Variants in TMED3 observed in about 807,000 individuals in gnomAD.
The protein encoded by TMED3 is transmembrane p24 trafficking protein 3.
TMED3 carries 9 observed loss-of-function variants against 15.0 expected under a neutral mutation model. The observed-to-expected ratio is 0.60, with a 90% CI of 0.36 to 1.04. TMED3 has a LOEUF of 1.04. TMED3 is among the 50% of genes least tolerant of loss of function. The probability of loss-of-function intolerance (pLI) is 0.01; values close to 1 mark genes in which losing one functional copy is unlikely to be tolerated. For missense variants in TMED3, 267 were observed against 278.9 expected, an observed-to-expected ratio of 0.96 and a Z score of 0.30; for synonymous variants, 117 against 121.4, an observed-to-expected ratio of 0.96 and a Z score of 0.24.
At chr15:79,335,193 A>T (rs1359568415) in intron 2 of TMED3, among the ~76,000 whole-genome samples, 2 of 152,220 alleles carry the variant, frequency 1.3e-5, no homozygotes, top group Non-Finnish European at 2.9e-5. Context: ...GTCAAGGAAG[A>T]CCTAAATCCT....
intron 2 of TMED3, among the ~76,000 whole-genome samples, chr15:79,353,055 AT>A (rs2058899356): frequency 1.9e-5 from 2 of 107,362 alleles, no homozygotes; most frequent in Non-Finnish European, 3.4e-5. Context: ...TATATAAAAA[AT>A]GTATATATAA....
At chr15:79,357,636 G>A (rs1408391932) in intron 2 of TMED3, among the ~76,000 whole-genome samples, 3 of 151,538 alleles carry the variant, frequency 2.0e-5, no homozygotes, top group African/African-American at 7.3e-5. Context: ...GAGGACTGCC[G>A]TGCTGGGGGC....
At chr15:79,335,442 A>G (rs1246053047) in intron 2 of TMED3, among the ~76,000 whole-genome samples, 2 of 152,192 alleles carry the variant, frequency 1.3e-5, no homozygotes, top group Non-Finnish European at 2.9e-5. Context: ...TCCTCAGGGA[A>G]CTCTGGGAGA....
At chr15:79,349,492 C>G (rs558829766) in intron 2 of TMED3, among the ~76,000 whole-genome samples, 259 of 152,160 alleles carry the variant, frequency 1.7e-3, no homozygotes, top group African/African-American at 5.7e-3. Flanking sequence ...TTTTGAACCA[C>G]CTGTGTGTTA....
At chr15:79,376,298 T>G (rs778903800) in intron 2 of TMED3, among the ~76,000 whole-genome samples, 69 of 150,696 alleles carry the variant, frequency 4.6e-4, no homozygotes, top group Non-Finnish European at 1.2e-4. Context: ...GTTTGATAGC[T>G]TTTGGCATTC....
At chr15:79,364,602 C>A (rs1893193645) in intron 2 of TMED3, among the ~76,000 whole-genome samples, 1 of 151,774 alleles carries the variant, frequency 6.6e-6, no homozygotes, top group African/African-American at 2.4e-5. Flanking sequence ...ACCCTGAACC[C>A]CAGGTTCCAG....
chr15:79,311,558 A>G (rs1422130874), intron 1 of TMED3, 141 bp downstream of exon 1: 2 of 1,052,200 alleles, frequency 1.9e-6, no homozygotes, highest in East Asian at 2.8e-5. Context: ...CCCGGAGACC[A>G]GTTGACTTCC....
rs1300780439 is a variant in TMED3, at chr15:79,382,986, A to C, written c.418-28414A>C. 2.0e-6 allele frequency: 3 copies of C among 1,535,486 alleles called. No homozygotes were observed. In the African/African-American group the frequency reaches 4.1e-5, roughly 21 times the overall value. ...TTCCAAGGGTCCCAGTGCTTCACCA[A>C]CACCAACGCCACCACTAAGGGTTCC... On this transcript the variant is annotated intron_variant, in intron 2 of 2. Coordinates refer to the TMED3 transcript ENST00000424155.
At chr15:79,345,668 G>A (rs967119255) in intron 2 of TMED3, among the ~76,000 whole-genome samples, 9 of 152,184 alleles carry the variant, frequency 5.9e-5, no homozygotes, top group Non-Finnish European at 1.3e-4. Flanking sequence ...TATATGCCCA[G>A]TAGTGGGATT....
At chr15:79,353,174 T>TAA (rs2058900971) in intron 2 of TMED3, among the ~76,000 whole-genome samples, 1 of 48,478 alleles carries the variant, frequency 2.1e-5, no homozygotes, top group African/African-American at 9.8e-5. Flanking sequence ...TATATATACA[T>TAA]AATATATAAA....
chr15:79,412,406 C>G (rs1893998968), exon 3 of TMED3: 1 of 152,408 alleles, frequency 6.6e-6, no homozygotes, highest in South Asian at 2.1e-4. Flanking sequence ...CTCACCTTCA[C>G]CAGTGCCTTG....
intron 2 of TMED3, chr15:79,384,763 T>C (rs1387605859): frequency 1.3e-5 from 2 of 152,200 alleles, no homozygotes; most frequent in Non-Finnish European, 2.9e-5. Context: ...GGCTCATGCT[T>C]GTAATCCCAG....
chr15:79,331,870 G>A (rs1432624623), intron 2 of TMED3, among the ~76,000 whole-genome samples: 1 of 152,118 alleles, frequency 6.6e-6, no homozygotes, highest in Non-Finnish European at 1.5e-5. Context: ...ACCCCAGTTA[G>A]GATGGCTATT....
chr15:79,370,048 T>C (rs1317500976), intron 2 of TMED3, among the ~76,000 whole-genome samples: 1 of 152,184 alleles, frequency 6.6e-6, no homozygotes, highest in African/African-American at 2.4e-5. Flanking sequence ...TTAGACGAAC[T>C]TGCCCTGTAG....
intron 2 of TMED3, among the ~76,000 whole-genome samples, chr15:79,388,597 T>C (rs1893657929): frequency 6.6e-6 from 1 of 152,186 alleles, no homozygotes; most frequent in Non-Finnish European, 1.5e-5. Context: ...ATGACTTCTT[T>C]TCCTCTGGGT....
chr15:79,322,450 C>G lies in TMED3; in HGVS notation c.*236C>G. 1 of 1,351,908 alleles carries G rather than the reference C, an allele frequency of 7.4e-7. No individual in the cohort carries two copies. Among genetic ancestry groups the G allele is most frequent in the Non-Finnish European group, 9.5e-7 (1 of 1,053,040 alleles). 83.7% of individuals were successfully genotyped at this position (1,351,908 alleles called of 1,614,324 possible). On this transcript the variant is annotated 3_prime_UTR_variant, in exon 3 of 3. Transcript: ENST00000299705. ...GTGTGCAGCGCTGAAAAGACATTTA[C>G]AACTAGGCCAGGGATTAGCCACTGT...
At chr15:79,366,674 C>T (rs1893242724) in intron 2 of TMED3, among the ~76,000 whole-genome samples, 1 of 152,206 alleles carries the variant, frequency 6.6e-6, no homozygotes, top group Non-Finnish European at 1.5e-5. Flanking sequence ...CCATTATCCA[C>T]ATCTTTGGAA....
rs1189807907 is a variant in TMED3 at position 79,353,316 on chromosome 15, TAA to T, written c.417+39312_417+39313del. The stretch of plus-strand genomic sequence containing the variant: ...ATGTATATTATATATATTATATATA[TAA>T]TATATATAATATATATTATGTATAT... On this transcript the variant is annotated intron_variant, in intron 2 of 2. Coordinates refer to the TMED3 transcript ENST00000424155. Among the ~76,000 whole-genome samples, 3 of 44,408 alleles carry T rather than the reference TAA, an allele frequency of 6.8e-5. 1 individual carries two copies. Among genetic ancestry groups the T allele is most frequent in the African/African-American group, 1.2e-4 (2 of 17,132 alleles). 29.1% of individuals were successfully genotyped at this position (44,408 alleles called of 152,430 possible).
chr15:79,411,093 G>A (rs1473547999), intron 2 of TMED3, among the ~76,000 whole-genome samples: 4 of 152,088 alleles, frequency 2.6e-5, no homozygotes, highest in African/African-American at 4.8e-5. Flanking sequence ...TAAGGTATGC[G>A]GGAAGAAATA....
Sources: gnomAD v4.1 joint callset for allele counts (sites outside exome capture counted in the v4.1 genomes callset) on GRCh38, gnomAD v4.1.1 for gene constraint, MANE v1.5 for transcripts, NCBI Gene and HGNC (gene_info 2026-07-23, HGNC 2026-07-21) for gene names.